ZRANB3: variants seen among roughly 807,000 people sequenced by gnomAD.
ZRANB3 encodes the protein zinc finger RANBP2-type containing 3.
ZRANB3 carries 125 observed loss-of-function variants against 133.8 expected under a neutral mutation model. That is an observed-to-expected ratio of 0.93 (90% CI 0.81 to 1.08). The LOEUF is 1.08. ZRANB3 is among the 50% of genes least tolerant of loss of function. ZRANB3 has a pLI of 0.00. For synonymous variants in ZRANB3, 387 were observed against 432.7 expected, an observed-to-expected ratio of 0.89 and a Z score of 1.31; for missense variants, 1,229 against 1,275.5, an observed-to-expected ratio of 0.96 and a Z score of 0.56.
intron 6 of ZRANB3, among the ~76,000 whole-genome samples, chr2:135,338,175 A>C (rs182634377): frequency 6.6e-6 from 1 of 152,234 alleles, no homozygotes; most frequent in African/African-American, 2.4e-5. Flanking sequence ...TGGATCTAGC[A>C]TACAAAAAAA....
At chr2:135,345,010 A>C (rs1188878477) in intron 6 of ZRANB3, 1 of 152,416 alleles carries the variant, frequency 6.6e-6, no homozygotes, top group African/African-American at 2.4e-5. Flanking sequence ...ACAAGAGTGG[A>C]AGAAACACTT....
At chr2:135,353,920 C>T (rs532214917) in intron 3 of ZRANB3, among the ~76,000 whole-genome samples, 36 of 152,154 alleles carry the variant, frequency 2.4e-4, no homozygotes, top group African/African-American at 7.9e-4. Flanking sequence ...GGGAGGATTG[C>T]TTGGACCCAG....
intron 2 of ZRANB3, among the ~76,000 whole-genome samples, chr2:135,408,813 T>TG (rs1329756538): frequency 7.2e-6 from 1 of 139,626 alleles, no homozygotes; most frequent in Non-Finnish European, 1.5e-5. Flanking sequence ...CATCACACAC[T>TG]GGGGCCTGTT....
At chr2:135,204,244 A>G (rs186675214) in intron 19 of ZRANB3, among the ~76,000 whole-genome samples, 95 of 152,254 alleles carry the variant, frequency 6.2e-4, no homozygotes, top group African/African-American at 2.2e-3. Flanking sequence ...GTTAGAAGAA[A>G]TGTATTGATT....
At chr2:135,526,790 T>TA (rs1335132301) in intron 1 of ZRANB3, among the ~76,000 whole-genome samples, 1 of 152,122 alleles carries the variant, frequency 6.6e-6, no homozygotes, top group African/African-American at 2.4e-5. Flanking sequence ...TTAAGTCCGA[T>TA]AAAAAACAAT....
intron 2 of ZRANB3, among the ~76,000 whole-genome samples, chr2:135,455,861 T>G (rs1690494200): frequency 6.6e-6 from 1 of 152,182 alleles, no homozygotes; most frequent in Non-Finnish European, 1.5e-5. Context: ...CCCAAAGTGC[T>G]GGGATTACAG....
At chr2:135,310,185 C>T (rs986164910) in intron 8 of ZRANB3, among the ~76,000 whole-genome samples, 3 of 152,196 alleles carry the variant, frequency 2.0e-5, no homozygotes, top group African/African-American at 7.2e-5. Flanking sequence ...GATCCACCTG[C>T]CTCGGCCTCC....
intron 12 of ZRANB3, among the ~76,000 whole-genome samples, chr2:135,263,962 T>A (rs955402682): frequency 1.3e-5 from 2 of 150,960 alleles, no homozygotes; most frequent in Admixed American, 1.3e-4. Flanking sequence ...TTTTTTGTAT[T>A]TTTTTAGTAG....
At position 135,251,806 on chromosome 2, in the gene ZRANB3, G is replaced by GT. The variant is rs113219850; in HGVS notation, c.1539+13727dup. Among the ~76,000 whole-genome samples the GT allele has an allele frequency of 3.0e-3, 452 of 152,316 alleles. 3 individuals carry two copies. The highest frequency in any genetic ancestry group is 0.01 in the African/African-American group (421 of 41,572). ...AATCCCAGCACTTTGGGAGGCTGAG[G>GT]TGGGTGGATCACAAGGTCAGGAGTT... is the stretch of plus-strand genomic sequence containing the variant. On this transcript the variant is annotated intron_variant, in intron 12 of 20. Coordinates refer to ENST00000264159, the MANE Select transcript of ZRANB3 (RefSeq NM_032143.4).
At chr2:135,221,043 G>C (rs2105055808) in intron 15 of ZRANB3, among the ~76,000 whole-genome samples, 1 of 152,004 alleles carries the variant, frequency 6.6e-6, no homozygotes, top group African/African-American at 2.4e-5. Flanking sequence ...TTTTAGTAGA[G>C]TCGGGGTTTC....
At chr2:135,490,505 G>A (rs114926010) in intron 2 of ZRANB3, among the ~76,000 whole-genome samples, 1,570 of 152,172 alleles carry the variant, frequency 0.01, 25 homozygotes, top group African/African-American at 0.036. Flanking sequence ...TGGGAATAAG[G>A]GATGTTAGTA....
At chr2:135,466,225 A>T (rs1331586252) in intron 2 of ZRANB3, among the ~76,000 whole-genome samples, 2 of 151,882 alleles carry the variant, frequency 1.3e-5, no homozygotes, top group South Asian at 4.2e-4. Flanking sequence ...TCTACTAAAA[A>T]TACAAAAATT....
At chr2:135,293,037 C>T (rs1275854951) in intron 8 of ZRANB3, among the ~76,000 whole-genome samples, 1 of 152,010 alleles carries the variant, frequency 6.6e-6, no homozygotes, top group African/African-American at 2.4e-5. Flanking sequence ...GTGATGCCTC[C>T]AGCTTTGTTC....
chr2:135,302,628 C>T (rs188957843), intron 8 of ZRANB3, among the ~76,000 whole-genome samples: 4 of 151,822 alleles, frequency 2.6e-5, no homozygotes, highest in East Asian at 1.9e-4. Context: ...TGAGCTCAAG[C>T]GATTCTCCTG....
At chr2:135,426,541 G>T (rs370430767) in intron 2 of ZRANB3, among the ~76,000 whole-genome samples, 6 of 151,872 alleles carry the variant, frequency 4.0e-5, no homozygotes, top group Non-Finnish European at 7.4e-5. Context: ...TTCAATATAT[G>T]CAAATTGGCC....
chr2:135,281,956 T>C (rs927810246), intron 8 of ZRANB3, among the ~76,000 whole-genome samples: 1 of 152,206 alleles, frequency 6.6e-6, no homozygotes, highest in Non-Finnish European at 1.5e-5. Flanking sequence ...TGGAATCATA[T>C]AATATGTGTT....
At chr2:135,418,964 G>T (rs1378429382) in intron 2 of ZRANB3, among the ~76,000 whole-genome samples, 4 of 106,376 alleles carry the variant, frequency 3.8e-5, no homozygotes, top group Admixed American at 1.2e-4. Flanking sequence ...TTGAGACGGA[G>T]TCTCGTTCTG....
intron 2 of ZRANB3, among the ~76,000 whole-genome samples, chr2:135,466,412 A>G (rs903473539): frequency 7.2e-6 from 1 of 138,742 alleles, no homozygotes; most frequent in South Asian, 2.2e-4. Context: ...AAAAAAAAAT[A>G]GAAGAAGAAG....
At chr2:135,375,826 A>T (rs2104905306) in intron 3 of ZRANB3, among the ~76,000 whole-genome samples, 1 of 152,164 alleles carries the variant, frequency 6.6e-6, no homozygotes, top group African/African-American at 2.4e-5. Context: ...ACTGCACGCC[A>T]GCCTGGGCAA....
Sources: allele counts gnomAD v4.1 joint callset (sites outside exome capture counted in the v4.1 genomes callset), GRCh38; gene constraint gnomAD v4.1.1; transcripts MANE v1.5; gene names NCBI Gene and HGNC (gene_info 2026-07-23, HGNC 2026-07-21).